Variants in LRP1B observed in about 807,000 individuals in gnomAD.
LRP1B encodes low-density lipoprotein receptor-related protein 1B.
In LRP1B, 217 loss-of-function variants were observed where a neutral mutation model predicts 556.6. The observed-to-expected ratio is 0.39, with a 90% CI of 0.35 to 0.44. The LOEUF (loss-of-function observed/expected upper bound fraction) is 0.44. Among genes scored for constraint, LRP1B ranks in the 20% least tolerant of loss-of-function variants. The pLI is 1.00. For missense variants in LRP1B, 5,053 were observed against 5,620.8 expected (o/e 0.90, Z 3.23); for synonymous variants, 2,047 against 1,865.8 (o/e 1.10, Z -2.50).
rs1215013266 is a variant in LRP1B at position 140,966,470 on chromosome 2, T to C, written c.2888-14530A>G. On this transcript the variant is annotated intron_variant, in intron 18 of 90. Transcript: ENST00000389484. ...TTAGCCCTTTGTCAGATGAGTAGAT[T>C]GCAAAAATTTTCTCCCATTCTGTAG... Among the ~76,000 whole-genome samples, 12 of 152,318 alleles carry C rather than the reference T, an allele frequency of 7.9e-5. No individual in the cohort carries two copies. In the East Asian group the frequency reaches 2.3e-3, roughly 29 times the overall value.
chr2:140,535,365 A>C (rs1276082120), intron 46 of LRP1B, among the ~76,000 whole-genome samples: 1 of 152,196 alleles, frequency 6.6e-6, no homozygotes, highest in African/African-American at 2.4e-5. Context: ...CATTAAAGCG[A>C]ATATGTTGAG....
chr2:140,351,730 C>T (rs903065964), intron 76 of LRP1B, among the ~76,000 whole-genome samples: 8 of 151,902 alleles, frequency 5.3e-5, no homozygotes, highest in South Asian at 2.1e-4. Context: ...AAGAGATGTT[C>T]GATTGCATAC....
chr2:142,122,935 T>C (rs996517846), intron 1 of LRP1B, among the ~76,000 whole-genome samples: 4 of 152,086 alleles, frequency 2.6e-5, no homozygotes, highest in Non-Finnish European at 5.9e-5. Context: ...TTTTTAAATC[T>C]CTATAATATC....
chr2:141,988,471 CT>C (rs1332159850), intron 1 of LRP1B, among the ~76,000 whole-genome samples: 1 of 151,832 alleles, frequency 6.6e-6, no homozygotes, highest in Non-Finnish European at 1.5e-5. Context: ...CTTAATCATC[CT>C]TATGTACATT....
chr2:141,905,725 T>C (rs1699735112), intron 1 of LRP1B, among the ~76,000 whole-genome samples: 1 of 150,664 alleles, frequency 6.6e-6, no homozygotes. Context: ...TTCATTCATA[T>C]AACCATCTTA....
At chr2:141,838,549 A>T (rs928807857) in intron 1 of LRP1B, among the ~76,000 whole-genome samples, 6 of 152,180 alleles carry the variant, frequency 3.9e-5, no homozygotes, top group African/African-American at 1.4e-4. Flanking sequence ...TCTCCACTTT[A>T]TAGTCAACAT....
chr2:140,640,606 A>G (rs967002889), intron 41 of LRP1B, among the ~76,000 whole-genome samples: 13 of 149,778 alleles, frequency 8.7e-5, no homozygotes, highest in Admixed American at 3.3e-4. Flanking sequence ...CGTGGTCTCG[A>G]TCTCCTGACC....
chr2:140,683,079 C>G (rs2105381688), intron 41 of LRP1B, among the ~76,000 whole-genome samples: 1 of 152,312 alleles, frequency 6.6e-6, no homozygotes, highest in Non-Finnish European at 1.5e-5. Flanking sequence ...GAATGGCAGA[C>G]TACGCTGATG....
intron 2 of LRP1B, among the ~76,000 whole-genome samples, chr2:141,770,160 C>CTT (rs556968194): frequency 1.4e-5 from 2 of 146,846 alleles, no homozygotes; most frequent in African/African-American, 5.0e-5. Context: ...GGCTACTTTT[C>CTT]TTTTTTTTTT....
intron 3 of LRP1B, among the ~76,000 whole-genome samples, chr2:141,265,441 T>C (rs969912413): frequency 6.6e-6 from 1 of 152,170 alleles, no homozygotes; most frequent in Non-Finnish European, 1.5e-5. Context: ...ATGCTGTCCC[T>C]GAGGATTCTG....
intron 41 of LRP1B, among the ~76,000 whole-genome samples, chr2:140,606,746 AATG>A (rs1199996496): frequency 5.3e-5 from 8 of 152,120 alleles, no homozygotes; most frequent in African/African-American, 1.7e-4. Flanking sequence ...CATGTAAAAG[AATG>A]ATATTTGATT....
At chr2:141,838,464 A>G (rs1265483359) in intron 1 of LRP1B, among the ~76,000 whole-genome samples, 2 of 152,170 alleles carry the variant, frequency 1.3e-5, no homozygotes, top group Non-Finnish European at 2.9e-5. Flanking sequence ...CAACTGAACT[A>G]TGATAACTAG....
intron 2 of LRP1B, among the ~76,000 whole-genome samples, chr2:141,787,675 T>C (rs1695469245): frequency 6.6e-6 from 1 of 151,874 alleles, no homozygotes; most frequent in African/African-American, 2.4e-5. Context: ...TCCACAATAG[T>C]AGGCATTTAT....
rs529999555 is a variant in LRP1B, at chr2:141,441,055, A to AT, written c.343+39340dup. ...AATAGTGTGAGGCTGAGAAGCCCTG[A>AT]TTTTTTTTTTATTTTTTATTTTTTA... On this transcript the variant is annotated intron_variant, in intron 3 of 90. Transcript: ENST00000389484. Among the ~76,000 whole-genome samples, 24 of 148,814 alleles carry AT rather than the reference A, an allele frequency of 1.6e-4. No individual in the cohort carries two copies. The South Asian group carries it at 2.0e-3, about 12-fold the overall frequency.
chr2:140,316,736 A>G (rs932632057), intron 82 of LRP1B, among the ~76,000 whole-genome samples: 18 of 150,728 alleles, frequency 1.2e-4, no homozygotes, highest in Admixed American at 6.6e-5. Context: ...AAGAAATGGG[A>G]AAAAAAATAT....
At chr2:140,236,076 T>C (rs1680685097) in intron 89 of LRP1B, among the ~76,000 whole-genome samples, 1 of 150,920 alleles carries the variant, frequency 6.6e-6, no homozygotes, top group Non-Finnish European at 1.5e-5. Context: ...GATGTAGGAG[T>C]GAATTTTAAT....
At chr2:140,613,430 A>T (rs1426093034) in intron 41 of LRP1B, among the ~76,000 whole-genome samples, 1 of 142,028 alleles carries the variant, frequency 7.0e-6, no homozygotes, top group Non-Finnish European at 1.5e-5. Context: ...TATATATATA[A>T]TTATATACAT....
At chr2:140,986,921 T>C (rs1173650443) in intron 17 of LRP1B, among the ~76,000 whole-genome samples, 1 of 152,200 alleles carries the variant, frequency 6.6e-6, no homozygotes, top group African/African-American at 2.4e-5. Context: ...TGCAAACAGC[T>C]ACAGGATGGC....
chr2:141,903,660 C>T (rs1313584112), intron 1 of LRP1B, among the ~76,000 whole-genome samples: 2 of 151,886 alleles, frequency 1.3e-5, no homozygotes, highest in Non-Finnish European at 2.9e-5. Context: ...TGAGCATTTT[C>T]TACATGCTAG....
Sources: allele counts gnomAD v4.1 joint callset (sites outside exome capture counted in the v4.1 genomes callset), GRCh38; gene constraint gnomAD v4.1.1; transcripts MANE v1.5; gene names NCBI Gene and HGNC (gene_info 2026-07-23, HGNC 2026-07-21).